Variants in REDIC1 observed in about 807,000 individuals in gnomAD.
REDIC1 encodes HEI10 Interacting Protein 1.
the REDIC1 span, among the ~76,000 whole-genome samples, chr12:39,678,917 C>T: frequency 6.6e-6 from 1 of 151,896 alleles, no homozygotes. Context: ...GATTAAAACC[C>T]TCAGCAAAAT....
the REDIC1 span, among the ~76,000 whole-genome samples, chr12:39,710,256 G>A: frequency 2.0e-5 from 3 of 151,948 alleles, no homozygotes; most frequent in Non-Finnish European, 2.9e-5. Flanking sequence ...GAGAGATAAT[G>A]TGTGTATATG....
At chr12:39,723,589 G>GTTTATAA in the REDIC1 span, among the ~76,000 whole-genome samples, 1 of 151,990 alleles carries the variant, frequency 6.6e-6, no homozygotes, top group African/African-American at 2.4e-5. Context: ...GTAATTTAAT[G>GTTTATAA]TTTATAAAGC....
the REDIC1 span, among the ~76,000 whole-genome samples, chr12:39,701,101 G>C: frequency 2.0e-5 from 1 of 49,578 alleles, no homozygotes; most frequent in Non-Finnish European, 6.6e-5. Flanking sequence ...AACTTTAAAT[G>C]TAAATGGACT....
the REDIC1 span, among the ~76,000 whole-genome samples, chr12:39,868,076 A>C: frequency 6.6e-6 from 1 of 152,236 alleles, no homozygotes; most frequent in Non-Finnish European, 1.5e-5. Context: ...ATGTTTTATC[A>C]GTCCCTTGTT....
At chr12:39,797,154 T>G in the REDIC1 span, among the ~76,000 whole-genome samples, 1 of 152,230 alleles carries the variant, frequency 6.6e-6, no homozygotes, top group South Asian at 2.1e-4. Context: ...AAAATTCTGA[T>G]GTTATGAAAA....
the REDIC1 span, among the ~76,000 whole-genome samples, chr12:39,808,385 A>G: frequency 6.6e-6 from 1 of 151,966 alleles, no homozygotes; most frequent in African/African-American, 2.4e-5. Context: ...AATTTTGTCC[A>G]TTATGAATAA....
the REDIC1 span, among the ~76,000 whole-genome samples, chr12:39,852,491 C>T: frequency 6.6e-6 from 1 of 152,196 alleles, no homozygotes; most frequent in African/African-American, 2.4e-5. Context: ...GTTCATTGAT[C>T]ATGACTCACA....
chr12:39,711,805 GTGTA>G, the REDIC1 span, among the ~76,000 whole-genome samples: 7 of 100,088 alleles, frequency 7.0e-5, no homozygotes, highest in Non-Finnish European at 1.3e-4. Context: ...ACACATGCAT[GTGTA>G]TGTGTGTACA....
chr12:39,778,892 G>C, the REDIC1 span, among the ~76,000 whole-genome samples: 33 of 152,178 alleles, frequency 2.2e-4, no homozygotes, highest in African/African-American at 7.7e-4. Flanking sequence ...GGAAAACTCT[G>C]TTTCTATCAG....
chr12:39,769,498 TTTTCTCTC>T, the REDIC1 span, among the ~76,000 whole-genome samples: 1 of 151,120 alleles, frequency 6.6e-6, no homozygotes, highest in Admixed American at 6.6e-5. Context: ...TTTTCTATAT[TTTTCTCTC>T]AATATTTGAG....
chr12:39,801,173 C>G, the REDIC1 span, among the ~76,000 whole-genome samples: 4 of 111,798 alleles, frequency 3.6e-5, no homozygotes, highest in Non-Finnish European at 7.4e-5. Context: ...GTGCAGCACA[C>G]CAGCATGGCA....
the REDIC1 span, among the ~76,000 whole-genome samples, chr12:39,842,572 C>T: frequency 0.068 from 10,402 of 151,928 alleles, 492 homozygotes; most frequent in Admixed American, 0.087. Context: ...GAAAGTTCTA[C>T]GTGGAAAAGT....
chr12:39,907,349 AATT>A, the REDIC1 span, among the ~76,000 whole-genome samples: 7 of 152,128 alleles, frequency 4.6e-5, no homozygotes, highest in Admixed American at 1.3e-4. Context: ...TGATTTTCCT[AATT>A]TTCTCAATGA....
chr12:39,671,331 T>G, the REDIC1 span, among the ~76,000 whole-genome samples: 2 of 152,194 alleles, frequency 1.3e-5, no homozygotes, highest in Non-Finnish European at 2.9e-5. Flanking sequence ...ATTTCCTCAT[T>G]GACTTAGGCC....
the REDIC1 span, among the ~76,000 whole-genome samples, chr12:39,652,034 A>G: frequency 6.6e-6 from 1 of 152,050 alleles, no homozygotes; most frequent in Non-Finnish European, 1.5e-5. Context: ...CACTCAGTGT[A>G]ATTATTTTGA....
the REDIC1 span, among the ~76,000 whole-genome samples, chr12:39,865,604 G>A: frequency 6.6e-6 from 1 of 152,146 alleles, no homozygotes; most frequent in Non-Finnish European, 1.5e-5. Flanking sequence ...TCAAGTTTCT[G>A]ACTATTGTTT....
At chr12:39,651,806 T>C in the REDIC1 span, among the ~76,000 whole-genome samples, 2 of 152,182 alleles carry the variant, frequency 1.3e-5, no homozygotes, top group African/African-American at 4.8e-5. Context: ...TTGATAAATT[T>C]TGACAATGTC....
the REDIC1 span, among the ~76,000 whole-genome samples, chr12:39,706,078 G>A: frequency 2.3e-4 from 35 of 151,982 alleles, no homozygotes; most frequent in African/African-American, 8.0e-4. Context: ...ACCAAAAGAT[G>A]CCATAAAAAA....
the REDIC1 span, chr12:39,760,012 T>C: frequency 1.3e-6 from 2 of 1,598,464 alleles, no homozygotes; most frequent in African/African-American, 2.7e-5. Flanking sequence ...ACTAAATATA[T>C]GAGCAGCTGA....
Sources: gnomAD v4.1 joint callset for allele counts (sites outside exome capture counted in the v4.1 genomes callset) on GRCh38, gnomAD v4.1.1 for gene constraint, MANE v1.5 for transcripts, NCBI Gene and HGNC (gene_info 2026-07-23, HGNC 2026-07-21) for gene names.